ESS2: variants seen among roughly 807,000 people sequenced by gnomAD.
ESS2 encodes the protein ess-2 spliceosome associated protein, also known as splicing factor ESS-2 homolog.
ESS2 carries 31 observed loss-of-function variants against 52.0 expected under a neutral mutation model. That is an observed-to-expected ratio of 0.60 (90% CI 0.45 to 0.81). The LOEUF is 0.81. Ranked by LOEUF, ESS2 falls within the 30% of genes least tolerant of loss-of-function variation. ESS2 has a pLI of 0.00. For missense variants in ESS2, 602 were observed against 637.2 expected (o/e 0.94, Z 0.59); for synonymous variants, 285 against 259.2 (o/e 1.10, Z -0.95).
chr22:19,140,345 CA>C (rs760558956), intron 3 of ESS2, among the ~76,000 whole-genome samples: 2 of 152,174 alleles, frequency 1.3e-5, no homozygotes, highest in Non-Finnish European at 2.9e-5. Flanking sequence ...AGCTCGTGAT[CA>C]CAGGCAGGCT....
chr22:19,141,468 G>A (rs546015506), intron 3 of ESS2, among the ~76,000 whole-genome samples: 2 of 152,232 alleles, frequency 1.3e-5, no homozygotes, highest in Admixed American at 6.5e-5. Flanking sequence ...TTCCTAAACC[G>A]ACTCCCCCAT....
rs1436989241 is a variant in ESS2 at position 19,132,623 on chromosome 22, C to T, written c.*1573G>A. On this transcript the variant is annotated 3_prime_UTR_variant, in exon 10 of 10. Transcript: ENST00000252137. The surrounding 1 kb of genome is among the most constrained non-coding windows in gnomAD (Gnocchi z 4.2). ...GTCAATTAAACCACTATTTTGATTA[C>T]GTTCCATTAGCTTTCTTCCACTTAG... is the stretch of plus-strand genomic sequence containing the variant. 13 of 785,070 alleles carry T rather than the reference C, an allele frequency of 1.7e-5. No individual in the cohort carries two copies. Among genetic ancestry groups the T allele is most frequent in the African/African-American group, 5.2e-5 (3 of 57,776 alleles). 48.6% of individuals were successfully genotyped at this position (785,070 alleles called of 1,614,324 possible).
chr22:19,134,262 G>A lies in ESS2; in HGVS notation c.1365C>T (p.Asp455=). 6.3e-7 allele frequency: 1 copy of A among 1,577,116 alleles called. No homozygotes were observed. Among genetic ancestry groups the A allele is most frequent in the South Asian group, 1.1e-5 (1 of 87,810 alleles). ...GSATRTPLTQ[D]PASITDNLLQ... Reference sequence around the variant, plus strand: ...GCAGGTTGTCCGTGATGGAGGCCGGGTCCTGTGTGAGAGGGGTGCGTGTGG... The same window carrying A: ...GCAGGTTGTCCGTGATGGAGGCCGGATCCTGTGTGAGAGGGGTGCGTGTGG... The change falls in exon 10 of 10, where the codon GAC becomes GAT. Residue 455 remains aspartate (D), a synonymous_variant. Transcript: ENST00000252137.
At chr22:19,141,938 C>T (rs765627885) in intron 3 of ESS2, among the ~76,000 whole-genome samples, 1 of 151,964 alleles carries the variant, frequency 6.6e-6, no homozygotes, top group Admixed American at 6.6e-5. Flanking sequence ...TGCAGTGAGC[C>T]GGGATCACAC....
Position 19,132,135 on chromosome 22 carries a change from A to G in ESS2, c.*2061T>C. ...CTCCAAGAACCTGACCTGCGAGTGC[A>G]AGGACCTCATCTACCGCATGCTGCA... On this transcript the variant is annotated 3_prime_UTR_variant, in exon 10 of 10. Coordinates refer to ENST00000252137, the MANE Select transcript of ESS2 (RefSeq NM_022719.3). The surrounding 1 kb of genome is among the most constrained non-coding windows in gnomAD (Gnocchi z 4.2). 1.9e-6 allele frequency: 3 copies of G among 1,613,034 alleles called. No individual in the cohort carries two copies. Among genetic ancestry groups the G allele is most frequent in the Non-Finnish European group, 2.5e-6 (3 of 1,179,102 alleles).
intron 6 of ESS2, 59 bp downstream of exon 6, chr22:19,139,100 T>C (rs2083636424): frequency 3.9e-6 from 6 of 1,535,756 alleles, no homozygotes; most frequent in Admixed American, 2.0e-5. Context: ...AGATCATGCC[T>C]GCCCCCAGGC....
chr22:19,131,386 T>C lies in ESS2; in HGVS notation c.*2810A>G, dbSNP rs2083504627. 6.4e-7 allele frequency: 1 copy of C among 1,564,196 alleles called. No homozygotes were observed. Among genetic ancestry groups the C allele is most frequent in the Non-Finnish European group, 8.7e-7 (1 of 1,149,908 alleles). On this transcript the variant is annotated 3_prime_UTR_variant, in exon 10 of 10. Coordinates refer to ENST00000252137, the MANE Select transcript of ESS2 (RefSeq NM_022719.3). This position sits in a 1 kb window ranked among gnomAD's most constrained non-coding sequence, Gnocchi z 5.7. ...GGGATGTAGACGGCAGCGGCGCCAG[T>C]CGCTCCTGGCACCATGGACGATGCC...
In ESS2 at chr22:19,131,652, C is replaced by T. The variant is rs1473065515; in HGVS notation, c.*2544G>A. 1.2e-5 allele frequency: 19 copies of T among 1,613,930 alleles called. No individual in the cohort carries two copies. Among genetic ancestry groups the T allele is most frequent in the Middle Eastern group, 3.3e-4 (2 of 6,084 alleles). ...CGAGATCTTTGAGACCTCTGACGGA[C>T]GGATCTACATCATCATGGAGCTTGG... On this transcript the variant is annotated 3_prime_UTR_variant, in exon 10 of 10. Coordinates refer to ENST00000252137, the MANE Select transcript of ESS2 (RefSeq NM_022719.3). The surrounding 1 kb of genome is among the most constrained non-coding windows in gnomAD (Gnocchi z 5.7).
Position 19,134,262 on chromosome 22 carries a change from G to T in ESS2, c.1365C>A (p.Asp455Glu). The T allele has an allele frequency of 6.3e-7, 1 of 1,577,116 alleles. No individual in the cohort carries two copies. Among genetic ancestry groups the T allele is most frequent in the Non-Finnish European group, 8.6e-7 (1 of 1,159,000 alleles). ...GCAGGTTGTCCGTGATGGAGGCCGG[G>T]TCCTGTGTGAGAGGGGTGCGTGTGG... ...GSATRTPLTQ[D>E]PASITDNLLQ... Residue 455 changes from aspartate (D) to glutamate (E), a missense_variant, in exon 10 of 10, where the codon GAC becomes GAA. By Grantham distance (45) the Asp-to-Glu change is conservative (BLOSUM62 2). Transcript: ENST00000252137.
At chr22:19,135,485 C>T (rs767125231) in intron 8 of ESS2, among the ~76,000 whole-genome samples, 30 of 152,198 alleles carry the variant, frequency 2.0e-4, no homozygotes, top group Non-Finnish European at 3.4e-4. Flanking sequence ...TATCGGCGCT[C>T]TGTATTTCGG....
chr22:19,136,219 G>A (rs573851019), intron 8 of ESS2, among the ~76,000 whole-genome samples: 76 of 151,534 alleles, frequency 5.0e-4, no homozygotes, highest in Admixed American at 1.1e-3. Context: ...AAAATAAGCC[G>A]GGCGTGGTGG....
Position 19,144,530 on chromosome 22 carries a change from G to A in ESS2, c.111C>T (p.Val37=), listed in dbSNP as rs1011067538. 5 of 1,609,650 alleles carry A rather than the reference G, an allele frequency of 3.1e-6. No homozygotes were observed. In the African/African-American group the frequency reaches 6.7e-5, roughly 22 times the overall value. ...CCTCGATATACTCTTCCTCGTCCAG[G>A]ACCCGCTGCTTGCTCGTCGCAGCCC... The part of the protein sequence containing the change: ...EAGAATSKQR[V]LDEEEYIEGL... The change falls in exon 1 of 10, where the codon GTC becomes GTT. Residue 37 remains valine, a synonymous_variant. Transcript: ENST00000252137.
Position 19,138,208 on chromosome 22 carries a change from T to C in ESS2, c.925+7A>G, listed in dbSNP as rs750328617. 5 of 1,613,758 alleles carry C rather than the reference T, an allele frequency of 3.1e-6. No individual in the cohort carries two copies. The highest frequency in any genetic ancestry group is 3.4e-6 in the Non-Finnish European group (4 of 1,179,920). On this transcript the variant is annotated splice_region_variant and intron_variant, in intron 7 of 9. Coordinates refer to ENST00000252137, the MANE Select transcript of ESS2 (RefSeq NM_022719.3). ...TAGACCCACTTGCCAGTGGGCACTT[T>C]TCTCACCAGGGGCAGGGGAAGGAGT...
At position 19,139,704 on chromosome 22, in the gene ESS2, G is replaced by A. The variant is rs746678849; in HGVS notation, c.596C>T (p.Pro199Leu). 22 of 1,614,156 alleles carry A rather than the reference G, an allele frequency of 1.4e-5. No individual in the cohort carries two copies. Among genetic ancestry groups the A allele is most frequent in the South Asian group, 3.3e-5 (3 of 91,088 alleles). ...CTCGATGGCCTGGTGCTCTGCTGAC[G>A]GGAGTTCGAGATTATCTTTCTGCCT... ...EKRQKDNLEL[P>L]SAEHQAIESS... Residue 199 changes from proline to leucine, a missense_variant, in exon 5 of 10, where the codon CCG becomes CTG. Pro to Leu is a moderately conservative substitution (Grantham distance 98). Transcript: ENST00000252137.
chr22:19,139,810 C>T, intron 4 of ESS2, 45 bp downstream of exon 4: 1 of 1,613,978 alleles, frequency 6.2e-7, no homozygotes, highest in Non-Finnish European at 8.5e-7. Context: ...CCAACCACCA[C>T]AGAGGGTGCC....
rs755889920 is a variant in ESS2 at position 19,131,751 on chromosome 22, C to A, written c.*2445G>T. On this transcript the variant is annotated 3_prime_UTR_variant, in exon 10 of 10. Transcript: ENST00000252137. The surrounding 1 kb of genome is among the most constrained non-coding windows in gnomAD (Gnocchi z 5.7). Reference sequence around the variant, plus strand: ...TGAGGACGTGGCACGCAAGATGTTCCGACAGCTCTCCTCCGCCGTCAAGTA... The same window carrying A: ...TGAGGACGTGGCACGCAAGATGTTCAGACAGCTCTCCTCCGCCGTCAAGTA... The A allele has an allele frequency of 1.9e-6, 3 of 1,614,118 alleles. No individual in the cohort carries two copies. Among genetic ancestry groups the A allele is most frequent in the Non-Finnish European group, 2.5e-6 (3 of 1,180,004 alleles).
chr22:19,138,624 G>T, intron 6 of ESS2: 1 of 547,052 alleles, frequency 1.8e-6, no homozygotes, highest in Non-Finnish European at 3.3e-6. Flanking sequence ...CTGACGCCAG[G>T]CCCCTGCAGG....
intron 8 of ESS2, among the ~76,000 whole-genome samples, chr22:19,136,031 T>TAAAAAA (rs377121962): frequency 3.5e-4 from 32 of 92,530 alleles, no homozygotes; most frequent in South Asian, 8.9e-4. Flanking sequence ...CCCTATCTGT[T>TAAAAAA]AAAAAAAAAA....
intron 3 of ESS2, among the ~76,000 whole-genome samples, chr22:19,140,596 C>A (rs940154461): frequency 2.0e-5 from 3 of 151,074 alleles, no homozygotes; most frequent in Non-Finnish European, 4.4e-5. Flanking sequence ...CCCCAAACAC[C>A]CCCCCCTCCG....
Sources: allele counts gnomAD v4.1 joint callset (sites outside exome capture counted in the v4.1 genomes callset), GRCh38; gene constraint gnomAD v4.1.1; non-coding constraint Gnocchi (gnomAD v3.1); transcripts MANE v1.5; gene names NCBI Gene and HGNC (gene_info 2026-07-23, HGNC 2026-07-21).